Variants in ERC1 observed in about 807,000 individuals in gnomAD.
ERC1 encodes the protein RAB6 interacting protein 2.
ERC1 carries 56 observed loss-of-function variants against 132.0 expected under a neutral mutation model. That is an observed-to-expected ratio of 0.42 (90% CI 0.34 to 0.53). ERC1 has a LOEUF of 0.53. Ranked by LOEUF, ERC1 falls within the 20% of genes least tolerant of loss-of-function variation. The pLI, the probability that ERC1 is intolerant of heterozygous loss-of-function variation, is 0.03. For synonymous variants in ERC1, 478 were observed against 476.1 expected (o/e 1.00, Z -0.05); for missense variants, 1,202 against 1,349.9 (o/e 0.89, Z 1.72).
At position 1,490,298 on chromosome 12, in the gene ERC1, G is replaced by T. The variant is rs892598764; in HGVS notation, c.*68G>T. Reference sequence around the variant, plus strand: ...AAGAAAAGAGAACTACGAGGAACAGGTGCCCGGAACCTTCTTGGCACCAAA... The same window carrying T: ...AAGAAAAGAGAACTACGAGGAACAGTTGCCCGGAACCTTCTTGGCACCAAA... On this transcript the variant is annotated 3_prime_UTR_variant, in exon 19 of 19. Transcript: ENST00000360905. 11 of 1,525,574 alleles carry T rather than the reference G, an allele frequency of 7.2e-6. No homozygotes were observed. Among genetic ancestry groups the T allele is most frequent in the African/African-American group, 5.5e-5 (4 of 72,790 alleles). The allele number at this position is 1,525,574 out of a possible 1,614,324, so 94.5% of individuals were successfully genotyped here.
At chr12:1,020,296 A>C (rs1027123040) in intron 1 of ERC1, among the ~76,000 whole-genome samples, 1 of 152,114 alleles carries the variant, frequency 6.6e-6, no homozygotes, top group Non-Finnish European at 1.5e-5. Context: ...ATCTCTACTA[A>C]AAATACAGAA....
At chr12:1,238,367 A>G (rs2075568951) in intron 13 of ERC1, among the ~76,000 whole-genome samples, 1 of 152,146 alleles carries the variant, frequency 6.6e-6, no homozygotes, top group African/African-American at 2.4e-5. Context: ...TTGAGAGTAT[A>G]TATTTACACA....
At chr12:1,261,108 T>G (rs2077114805) in intron 13 of ERC1, among the ~76,000 whole-genome samples, 1 of 152,214 alleles carries the variant, frequency 6.6e-6, no homozygotes, top group Admixed American at 6.5e-5. Flanking sequence ...CTAAAAGTTT[T>G]TTATTGATAC....
intron 17 of ERC1, among the ~76,000 whole-genome samples, chr12:1,418,131 A>G (rs2092212564): frequency 6.6e-6 from 1 of 152,190 alleles, no homozygotes; most frequent in Non-Finnish European, 1.5e-5. Flanking sequence ...AAGGATACAT[A>G]GCTAGAAGGA....
At chr12:1,002,998 C>T (rs1339154000) in intron 1 of ERC1, among the ~76,000 whole-genome samples, 9 of 150,938 alleles carry the variant, frequency 6.0e-5, no homozygotes, top group Non-Finnish European at 1.0e-4. Context: ...TGCCTGTAAT[C>T]CCAACACTTT....
chr12:1,044,957 G>A (rs930123082), intron 2 of ERC1, among the ~76,000 whole-genome samples: 19 of 152,078 alleles, frequency 1.2e-4, no homozygotes, highest in African/African-American at 4.3e-4. Flanking sequence ...AGTATTGCTG[G>A]AAATGAATTT....
chr12:1,010,565 C>T (rs1964517805), intron 1 of ERC1, among the ~76,000 whole-genome samples: 1 of 145,956 alleles, frequency 6.9e-6, no homozygotes, highest in South Asian at 2.2e-4. Context: ...GGCTGTAGTG[C>T]AATGGCATGA....
At chr12:1,321,780 C>A (rs987107173) in intron 15 of ERC1, among the ~76,000 whole-genome samples, 6 of 151,468 alleles carry the variant, frequency 4.0e-5, no homozygotes, top group African/African-American at 1.5e-4. Flanking sequence ...TCACAGTACA[C>A]ATCTACACTG....
chr12:1,460,396 G>A (rs1044584558), intron 18 of ERC1, among the ~76,000 whole-genome samples: 3 of 152,170 alleles, frequency 2.0e-5, no homozygotes, highest in Non-Finnish European at 4.4e-5. Flanking sequence ...CGTGGCAGGT[G>A]GAGCTTTGTG....
At chr12:1,366,203 GT>G (rs1408558834) in intron 15 of ERC1, among the ~76,000 whole-genome samples, 1 of 152,100 alleles carries the variant, frequency 6.6e-6, no homozygotes, top group African/African-American at 2.4e-5. Flanking sequence ...TTTTATGTGT[GT>G]TTTATCACAA....
chr12:1,386,327 G>A (rs2089343120), intron 16 of ERC1, among the ~76,000 whole-genome samples: 1 of 151,250 alleles, frequency 6.6e-6, no homozygotes, highest in Non-Finnish European at 1.5e-5. Flanking sequence ...GCAAACCACT[G>A]TGCCCGGTCA....
intron 14 of ERC1, among the ~76,000 whole-genome samples, chr12:1,269,635 G>A (rs2077692729): frequency 1.3e-5 from 2 of 152,168 alleles, no homozygotes; most frequent in South Asian, 2.1e-4. Context: ...TTGAAAGCGG[G>A]AGGATCAGAT....
intron 14 of ERC1, among the ~76,000 whole-genome samples, chr12:1,270,262 C>T (rs1190598182): frequency 6.6e-6 from 1 of 152,080 alleles, no homozygotes; most frequent in Non-Finnish European, 1.5e-5. Context: ...CACTGGAGTG[C>T]AGCGGTGGGA....
At chr12:1,438,954 A>AAAAAAAAAATATATATATATATAT (rs1015181197) in intron 17 of ERC1, among the ~76,000 whole-genome samples, 4 of 143,480 alleles carry the variant, frequency 2.8e-5, no homozygotes, top group African/African-American at 1.0e-4. Flanking sequence ...TTTAAAAAAA[A>AAAAAAAAAATATATATATATATAT]ATATATATAT....
At chr12:1,175,035 G>A (rs1953536343) in intron 8 of ERC1, among the ~76,000 whole-genome samples, 1 of 152,228 alleles carries the variant, frequency 6.6e-6, no homozygotes, top group Non-Finnish European at 1.5e-5. Flanking sequence ...TATTAAGTAT[G>A]CAATAGCATT....
intron 15 of ERC1, among the ~76,000 whole-genome samples, chr12:1,298,358 G>A (rs1417030181): frequency 1.3e-5 from 2 of 151,764 alleles, no homozygotes; most frequent in Non-Finnish European, 1.5e-5. Context: ...CTTGGCCAAC[G>A]TGGTGAAACC....
At chr12:1,433,364 T>C (rs2092855403) in intron 17 of ERC1, among the ~76,000 whole-genome samples, 1 of 152,174 alleles carries the variant, frequency 6.6e-6, no homozygotes, top group Admixed American at 6.5e-5. Flanking sequence ...ATTTCATAGC[T>C]CTATGCACGT....
chr12:1,196,612 G>T (rs1409809983), intron 12 of ERC1, among the ~76,000 whole-genome samples: 2 of 150,854 alleles, frequency 1.3e-5, no homozygotes, highest in Non-Finnish European at 1.5e-5. Context: ...TCCCACCTCC[G>T]TGTCTTGAGT....
Position 1,490,379 on chromosome 12 carries a change from T to G in ERC1, c.*149T>G. 1.4e-6 allele frequency: 1 copy of G among 723,242 alleles called. No individual in the cohort carries two copies. Among genetic ancestry groups the G allele is most frequent in the East Asian group, 2.7e-5 (1 of 36,764 alleles). 44.8% of individuals were successfully genotyped at this position (723,242 alleles called of 1,614,324 possible). ...TGAAGAAGTGTGATTCCAGCACCGT[T>G]TCTACATCTGCCATCTTACTCTGCC... On this transcript the variant is annotated 3_prime_UTR_variant, in exon 19 of 19. Transcript: ENST00000360905.
Sources: allele counts gnomAD v4.1 joint callset (sites outside exome capture counted in the v4.1 genomes callset), GRCh38; gene constraint gnomAD v4.1.1; transcripts MANE v1.5; gene names NCBI Gene and HGNC (gene_info 2026-07-23, HGNC 2026-07-21).